Variants in TOP2B observed in about 807,000 individuals in gnomAD.
TOP2B encodes DNA topoisomerase II beta, also known as DNA topoisomerase 2-beta.
A neutral mutation model predicts 193.5 loss-of-function variants in TOP2B; 51 were observed. That is an observed-to-expected ratio of 0.26 (90% confidence interval 0.21 to 0.33). The LOEUF is 0.33. TOP2B is among the 10% of genes least tolerant of loss of function. The pLI, the probability that TOP2B is intolerant of heterozygous loss-of-function variation, is 1.00. For synonymous variants in TOP2B, 634 were observed against 635.7 expected, an observed-to-expected ratio of 1.00 and a Z score of 0.04; for missense variants, 1,378 against 1,909.3, an observed-to-expected ratio of 0.72 and a Z score of 5.19.
Position 25,626,856 on chromosome 3 carries a change from A to G in TOP2B, c.2025T>C (p.Ser675=), listed in dbSNP as rs980772668. The change falls in exon 17 of 36, where the codon AGT becomes AGC. Residue 675 remains serine, a synonymous_variant. Transcript: ENST00000264331. ...EDDAAITLAF[S]KKKIDDRKEW... ...CTTTTCTGTCATCAATCTTCTTCTTACTAAATGCCTGAAAGATTCCAGGTA... is the reference window on the plus strand; with the variant it reads ...CTTTTCTGTCATCAATCTTCTTCTTGCTAAATGCCTGAAAGATTCCAGGTA... 6.3e-7 allele frequency: 1 copy of G among 1,588,038 alleles called. No homozygotes were observed. The highest frequency in any genetic ancestry group is 1.3e-5 in the African/African-American group (1 of 74,640).
intron 33 of TOP2B, among the ~76,000 whole-genome samples, chr3:25,601,815 A>C (rs1353303164): frequency 1.3e-5 from 2 of 152,230 alleles, no homozygotes; most frequent in Non-Finnish European, 2.9e-5. Context: ...CAGAATAGTC[A>C]TGACAAAAGA....
rs753007684 is a variant in TOP2B at position 25,598,351 on chromosome 3, A to ACTC, written c.4834_4836dup (p.Glu1612dup). 22 of 1,612,160 alleles carry ACTC rather than the reference A, an allele frequency of 1.4e-5. No individual in the cohort carries two copies. Among genetic ancestry groups the ACTC allele is most frequent in the Admixed American group, 1.2e-4 (7 of 59,802 alleles). ...TCAACATCATCTTCTTCTTCATCAG[A>ACTC]CTCTGCAAAATATTTTACTTCTTTC... On this transcript the variant is annotated inframe_insertion, in exon 36 of 36. Coordinates refer to ENST00000264331, the MANE Select transcript of TOP2B (RefSeq NM_001330700.2).
Position 25,634,790 on chromosome 3 carries a change from A to C in TOP2B, c.853-776T>G, listed in dbSNP as rs985344125. Among the ~76,000 whole-genome samples, 31 of 143,780 alleles carry C rather than the reference A, an allele frequency of 2.2e-4. 1 individual carries two copies. The highest frequency in any genetic ancestry group is 1.8e-3 in the Admixed American group (25 of 14,214). The allele number at this position is 143,780 out of a possible 152,430, so 94.3% of individuals were successfully genotyped here. On this transcript the variant is annotated intron_variant, in intron 7 of 35. Coordinates refer to ENST00000264331, the MANE Select transcript of TOP2B (RefSeq NM_001330700.2). ...CTATCTCCCTTACCAAAAAAAAAAA[A>C]AAAAAAACCAAAAAAAGGCTTATTC... is the stretch of plus-strand genomic sequence containing the variant.
chr3:25,618,270 C>G, intron 25 of TOP2B, 148 bp downstream of exon 25: 1 of 620,344 alleles, frequency 1.6e-6, no homozygotes, highest in South Asian at 2.1e-5. Flanking sequence ...TTTATCTGTT[C>G]TGTGGATAAA....
At chr3:25,653,801 A>T (rs1242744963) in intron 1 of TOP2B, among the ~76,000 whole-genome samples, 2 of 152,236 alleles carry the variant, frequency 1.3e-5, no homozygotes, top group Non-Finnish European at 2.9e-5. Context: ...GATGTTTCCA[A>T]ATATGAAAAC....
chr3:25,656,833 C>T (rs1475456767), intron 1 of TOP2B, among the ~76,000 whole-genome samples: 1 of 152,110 alleles, frequency 6.6e-6, no homozygotes, highest in African/African-American at 2.4e-5. Context: ...TAAATTTCTA[C>T]AATGAATGCA....
Position 25,632,677 on chromosome 3 carries a change from A to T in TOP2B, c.1128+16T>A. 6 of 1,610,014 alleles carry T rather than the reference A, an allele frequency of 3.7e-6. No homozygotes were observed. The highest frequency in any genetic ancestry group is 5.1e-6 in the Non-Finnish European group (6 of 1,176,572). On this transcript the variant is annotated intron_variant, in intron 9 of 35. Transcript: ENST00000264331. ...CATATGTATGCATCATGTACAATATATAACACATCCCTTACTTGAAATGGT... is the reference window on the plus strand; with the variant it reads ...CATATGTATGCATCATGTACAATATTTAACACATCCCTTACTTGAAATGGT...
intron 11 of TOP2B, 40 bp downstream of exon 11, chr3:25,630,760 GA>G: frequency 6.9e-7 from 1 of 1,453,494 alleles, no homozygotes; most frequent in East Asian, 2.6e-5. Context: ...AAATAAAAGT[GA>G]AACTTAAATC....
chr3:25,658,885 C>G (rs140357652), intron 1 of TOP2B, among the ~76,000 whole-genome samples: 3 of 152,256 alleles, frequency 2.0e-5, no homozygotes, highest in African/African-American at 7.2e-5. Flanking sequence ...GAATTGTCAC[C>G]TGAAATATAG....
chr3:25,624,778 A>C lies in TOP2B; in HGVS notation c.2250T>G (p.Val750=), dbSNP rs746722648. ...VDGFKPGQRK[V]LFTCFKRNDK... The stretch of plus-strand genomic sequence containing the variant: ...CATTCCTCTTGAAACAGGTAAATAA[A>C]ACTTTCCGCTGGCCAGGTTTAAAGC... The change falls in exon 19 of 36, where the codon GTT becomes GTG. Residue 750 remains valine, a synonymous_variant. Transcript: ENST00000264331. 9 of 1,613,494 alleles carry C rather than the reference A, an allele frequency of 5.6e-6. No individual in the cohort carries two copies. In the South Asian group the frequency reaches 8.8e-5, roughly 16 times the overall value.
At position 25,645,416 on chromosome 3, in the gene TOP2B, T is replaced by C. The variant is rs1703388540; in HGVS notation, c.124A>G (p.Lys42Glu). The C allele has an allele frequency of 6.2e-7, 1 of 1,613,846 alleles. No individual in the cohort carries two copies. The highest frequency in any genetic ancestry group is 1.7e-5 in the Admixed American group (1 of 60,002). The change falls in exon 2 of 36, where the codon AAA becomes GAA. Residue 42 changes from lysine (K) to glutamate (E), a missense_variant. Lys to Glu is a moderately conservative substitution (Grantham distance 56). This residue lies in a region of TOP2B where 83 missense variants were observed against 59.3 expected (regional missense o/e 1.40). Transcript: ENST00000264331. ...AKKEESETAN[K>E]NDSSKKLSVE... ...GACAACTTCTTTGAAGAATCATTTTTGTTGGCAGTTTCTGACTCTTCTTTT... is the reference window on the plus strand; with the variant it reads ...GACAACTTCTTTGAAGAATCATTTTCGTTGGCAGTTTCTGACTCTTCTTTT...
chr3:25,606,344 A>C (rs1702237187), intron 31 of TOP2B, among the ~76,000 whole-genome samples: 1 of 152,168 alleles, frequency 6.6e-6, no homozygotes, highest in Non-Finnish European at 1.5e-5. Flanking sequence ...CATACCACGT[A>C]TGCACACAGA....
intron 27 of TOP2B, among the ~76,000 whole-genome samples, chr3:25,613,773 A>G (rs562033959): frequency 1.1e-4 from 16 of 152,164 alleles, no homozygotes; most frequent in African/African-American, 3.6e-4. Flanking sequence ...AGCATCCACC[A>G]TGTGCTAGGC....
In TOP2B at chr3:25,609,728, A is replaced by C; in HGVS notation, c.3787-16T>G. On this transcript the variant is annotated splice_polypyrimidine_tract_variant and intron_variant, in intron 28 of 35. Transcript: ENST00000264331. The stretch of plus-strand genomic sequence containing the variant: ...CAAGATCACCCTACATAATAAAAAG[A>C]AAATCAAGCCACGAGTAAAAATAAA... 7.0e-7 allele frequency: 1 copy of C among 1,424,136 alleles called. No individual in the cohort carries two copies. Among genetic ancestry groups the C allele is most frequent in the Non-Finnish European group, 9.2e-7 (1 of 1,089,218 alleles). The allele number at this position is 1,424,136 out of a possible 1,614,324, so 88.2% of individuals were successfully genotyped here.
chr3:25,620,898 A>T, intron 21 of TOP2B, 82 bp from the exon 22 acceptor site: 2 of 1,417,428 alleles, frequency 1.4e-6, no homozygotes, highest in Non-Finnish European at 1.9e-6. Context: ...TGACAGATTA[A>T]CACAACTGAA....
chr3:25,618,623 A>G (rs767649329), intron 24 of TOP2B, 31 bp downstream of exon 24: 2 of 1,565,170 alleles, frequency 1.3e-6, no homozygotes, highest in East Asian at 2.3e-5. Flanking sequence ...CATTTTAACT[A>G]ATGTTCAAAT....
At chr3:25,633,697 G>A in intron 8 of TOP2B, 144 bp downstream of exon 8, 2 of 566,024 alleles carry the variant, frequency 3.5e-6, no homozygotes, top group East Asian at 3.2e-5. Context: ...ATAGAAAATA[G>A]GTTTTTGTTT....
At chr3:25,661,369 G>A (rs1703905342) in intron 1 of TOP2B, among the ~76,000 whole-genome samples, 1 of 152,178 alleles carries the variant, frequency 6.6e-6, no homozygotes, top group Admixed American at 6.5e-5. Flanking sequence ...ACCACTTTTT[G>A]AGATGCTTAA....
intron 1 of TOP2B, among the ~76,000 whole-genome samples, chr3:25,658,298 A>G (rs1211720321): frequency 6.6e-6 from 1 of 151,640 alleles, no homozygotes. Context: ...TTGCGTTGAG[A>G]CTAACGATTG....
Sources: allele counts gnomAD v4.1 joint callset (sites outside exome capture counted in the v4.1 genomes callset), GRCh38; gene constraint gnomAD v4.1.1; regional missense constraint gnomAD v4.1.1; transcripts MANE v1.5; gene names NCBI Gene and HGNC (gene_info 2026-07-23, HGNC 2026-07-21).